The following GALNT13 variants were observed in gnomAD, a reference collection of about 807,000 sequenced individuals.
GALNT13 encodes UDP-GalNAc:polypeptide N-acetylgalactosaminyltransferase 13.
A neutral mutation model predicts 64.2 loss-of-function variants in GALNT13; 28 were observed. The observed-to-expected ratio is 0.44, with a 90% confidence interval of 0.32 to 0.60. The LOEUF is 0.60. Among genes scored for constraint, GALNT13 ranks in the 20% least tolerant of loss-of-function variants. GALNT13 has a pLI of 0.05. For missense variants in GALNT13, 577 were observed against 669.8 expected (o/e 0.86, Z 1.53); for synonymous variants, 214 against 224.6 (o/e 0.95, Z 0.42).
intron 3 of GALNT13, among the ~76,000 whole-genome samples, chr2:153,978,167 T>C (rs1350049654): frequency 1.3e-5 from 2 of 152,230 alleles, no homozygotes; most frequent in Non-Finnish European, 2.9e-5. Context: ...ATTGTCTGTT[T>C]ATTCCCTAAA....
chr2:154,191,230 A>T (rs1017269292), intron 4 of GALNT13, among the ~76,000 whole-genome samples: 3 of 152,188 alleles, frequency 2.0e-5, no homozygotes, highest in African/African-American at 7.2e-5. Context: ...AAAAGTCACA[A>T]ATATTCTCTC....
chr2:154,191,420 GA>G (rs1452836256), intron 4 of GALNT13, among the ~76,000 whole-genome samples: 1 of 152,124 alleles, frequency 6.6e-6, no homozygotes, highest in African/African-American at 2.4e-5. Context: ...TTGGAAGCAA[GA>G]AAATTGTCAT....
At chr2:153,480,295 A>C in the GALNT13 span, among the ~76,000 whole-genome samples, 2 of 152,092 alleles carry the variant, frequency 1.3e-5, no homozygotes, top group Non-Finnish European at 2.9e-5. Flanking sequence ...TGTTCCTTAA[A>C]TGTTTTTGCA....
At chr2:153,730,352 C>T in the GALNT13 span, among the ~76,000 whole-genome samples, 1 of 151,838 alleles carries the variant, frequency 6.6e-6, no homozygotes, top group African/African-American at 2.4e-5. Flanking sequence ...GGAGAAAGGA[C>T]ACTCTATTCA....
At chr2:153,253,567 C>T in the GALNT13 span, among the ~76,000 whole-genome samples, 12 of 148,932 alleles carry the variant, frequency 8.1e-5, no homozygotes, top group African/African-American at 3.0e-4. Context: ...GGGAATGCTT[C>T]CAGTTTTTGC....
chr2:153,850,009 A>C, the GALNT13 span, among the ~76,000 whole-genome samples: 1 of 50,072 alleles, frequency 2.0e-5, no homozygotes, highest in South Asian at 9.5e-4. Context: ...AAAATACAAA[A>C]AAAAAAAAAA....
chr2:153,461,120 T>C, the GALNT13 span, among the ~76,000 whole-genome samples: 1 of 152,194 alleles, frequency 6.6e-6, no homozygotes, highest in Non-Finnish European at 1.5e-5. Context: ...TGTATTTTCT[T>C]ATTTGCCTTA....
chr2:153,795,445 C>G, the GALNT13 span, among the ~76,000 whole-genome samples: 1 of 151,970 alleles, frequency 6.6e-6, no homozygotes, highest in Admixed American at 6.6e-5. Flanking sequence ...CACACACCTG[C>G]CAGTGACATG....
chr2:153,151,043 C>A, the GALNT13 span, among the ~76,000 whole-genome samples: 7 of 151,884 alleles, frequency 4.6e-5, no homozygotes, highest in Non-Finnish European at 8.8e-5. Context: ...CATTGAATCT[C>A]TAAATTACCT....
chr2:153,202,491 A>C, the GALNT13 span, among the ~76,000 whole-genome samples: 1 of 152,204 alleles, frequency 6.6e-6, no homozygotes, highest in African/African-American at 2.4e-5. Context: ...TAAGATTGAC[A>C]CATACAAATT....
chr2:153,368,484 A>G, the GALNT13 span, among the ~76,000 whole-genome samples: 1 of 152,248 alleles, frequency 6.6e-6, no homozygotes, highest in African/African-American at 2.4e-5. Context: ...ATTTTGTTAG[A>G]GCACCCAAGC....
intron 9 of GALNT13, among the ~76,000 whole-genome samples, chr2:154,333,193 C>T (rs192840741): frequency 1.3e-5 from 2 of 152,012 alleles, no homozygotes; most frequent in East Asian, 1.9e-4. Flanking sequence ...CCTAAGGACA[C>T]CTAGAGGTTA....
the GALNT13 span, among the ~76,000 whole-genome samples, chr2:153,657,979 G>A: frequency 6.6e-6 from 1 of 151,980 alleles, no homozygotes; most frequent in African/African-American, 2.4e-5. Context: ...CTGCAGCATA[G>A]GGTTGAAGTG....
chr2:154,227,264 G>C (rs926079858), intron 4 of GALNT13, among the ~76,000 whole-genome samples: 14 of 152,082 alleles, frequency 9.2e-5, no homozygotes, highest in African/African-American at 2.7e-4. Flanking sequence ...GGATACAAAG[G>C]CTTCATTTGC....
chr2:154,442,448 C>T (rs1701346309), intron 12 of GALNT13, among the ~76,000 whole-genome samples: 1 of 152,006 alleles, frequency 6.6e-6, no homozygotes, highest in South Asian at 2.1e-4. Context: ...TGTGGCCTAA[C>T]CTGTTTGAAT....
intron 3 of GALNT13, among the ~76,000 whole-genome samples, chr2:153,987,338 T>C (rs1262542154): frequency 6.6e-6 from 1 of 151,882 alleles, no homozygotes; most frequent in Non-Finnish European, 1.5e-5. Context: ...TCATAATTCA[T>C]CTAGGTGGTT....
chr2:153,350,384 C>CTTTTTTTTTTTTTTTT, the GALNT13 span, among the ~76,000 whole-genome samples: 1 of 129,972 alleles, frequency 7.7e-6, no homozygotes, highest in Non-Finnish European at 1.6e-5. Flanking sequence ...TTCTTTCTTT[C>CTTTTTTTTTTTTTTTT]TTTTTTTTTT....
chr2:154,394,168 G>A (rs2105358656), intron 9 of GALNT13, among the ~76,000 whole-genome samples: 1 of 148,916 alleles, frequency 6.7e-6, no homozygotes, highest in East Asian at 2.0e-4. Flanking sequence ...AACCTTCTAG[G>A]ACTTTATCTT....
At chr2:153,330,625 A>G in the GALNT13 span, among the ~76,000 whole-genome samples, 1 of 147,810 alleles carries the variant, frequency 6.8e-6, no homozygotes, top group Non-Finnish European at 1.5e-5. Context: ...TTTTTTTTTT[A>G]TCCTGCAACT....
Sources: gnomAD v4.1 joint callset for allele counts (sites outside exome capture counted in the v4.1 genomes callset) on GRCh38, gnomAD v4.1.1 for gene constraint, MANE v1.5 for transcripts, NCBI Gene and HGNC (gene_info 2026-07-23, HGNC 2026-07-21) for gene names.